Variants in PPARGC1A observed in about 807,000 individuals in gnomAD.
PPARGC1A encodes the protein peroxisome proliferator-activated receptor gamma coactivator 1-alpha.
A neutral mutation model predicts 88.7 loss-of-function variants in PPARGC1A; 25 were observed. The ratio of observed to expected loss-of-function variants is 0.28; its 90% CI spans 0.21 to 0.39. PPARGC1A has a LOEUF of 0.39. PPARGC1A is among the 10% of genes least tolerant of loss of function. The probability of loss-of-function intolerance (pLI) is 1.00; values close to 1 mark genes in which losing one functional copy is unlikely to be tolerated. For synonymous variants in PPARGC1A, 363 were observed against 355.6 expected (o/e 1.02, Z -0.24); for missense variants, 880 against 968.7 (o/e 0.91, Z 1.22).
the PPARGC1A span, among the ~76,000 whole-genome samples, chr4:24,442,461 A>G: frequency 2.0e-5 from 3 of 152,222 alleles, no homozygotes; most frequent in Non-Finnish European, 4.4e-5. Context: ...TGAAGTTCAA[A>G]AAGGTCTCAT....
chr4:24,089,465 C>G, the PPARGC1A span, among the ~76,000 whole-genome samples: 1 of 150,588 alleles, frequency 6.6e-6, no homozygotes, highest in Non-Finnish European at 1.5e-5. Context: ...AAATCAGAGA[C>G]TAGACTAGGA....
Position 23,824,322 on chromosome 4 carries a change from T to A in PPARGC1A, c.835A>T (p.Thr279Ser). The stretch of plus-strand genomic sequence containing the variant: ...TCCACACTTAAGGTGCGTTCAATAG[T>A]CTTGTTCTCAAATGGGGAACCCTTG... Reference protein sequence around the residue: ...DPKGSPFENKTIERTLSVELS... With the variant: ...DPKGSPFENKSIERTLSVELS... The change falls in exon 7 of 13, where the codon ACT becomes TCT. Residue 279 changes from threonine to serine, a missense_variant. Thr to Ser is a moderately conservative substitution (Grantham distance 58). Transcript: ENST00000264867. The A allele has an allele frequency of 6.2e-7, 1 of 1,613,566 alleles. No homozygotes were observed. The highest frequency in any genetic ancestry group is 8.5e-7 in the Non-Finnish European group (1 of 1,179,700).
chr4:23,802,445 C>T (rs1281764011), intron 10 of PPARGC1A, 100 bp from the exon 11 acceptor site: 44 of 1,425,872 alleles, frequency 3.1e-5, no homozygotes, highest in Admixed American at 9.6e-5. Flanking sequence ...TTTGGGAGGC[C>T]GAGGCAGGTG....
At chr4:24,050,323 G>A in the PPARGC1A span, among the ~76,000 whole-genome samples, 1 of 150,506 alleles carries the variant, frequency 6.6e-6, no homozygotes, top group Non-Finnish European at 1.5e-5. Context: ...AGCCTCCCAA[G>A]TAGCTGGAAT....
At chr4:24,333,937 C>CAAAA in the PPARGC1A span, among the ~76,000 whole-genome samples, 11 of 10,370 alleles carry the variant, frequency 1.1e-3, no homozygotes, top group Non-Finnish European at 2.9e-3. Context: ...CCAACAACAA[C>CAAAA]AACAAAAAAA....
the PPARGC1A span, among the ~76,000 whole-genome samples, chr4:24,146,244 G>A: frequency 6.6e-6 from 1 of 152,198 alleles, no homozygotes; most frequent in Non-Finnish European, 1.5e-5. Context: ...TGTTGAATTG[G>A]AGAGCTGTAG....
chr4:24,300,320 T>C, the PPARGC1A span, among the ~76,000 whole-genome samples: 3 of 123,126 alleles, frequency 2.4e-5, no homozygotes, highest in Non-Finnish European at 1.7e-5. Flanking sequence ...TTCTATACAA[T>C]AGCATTTTTT....
At chr4:24,201,490 C>A in the PPARGC1A span, among the ~76,000 whole-genome samples, 2 of 152,320 alleles carry the variant, frequency 1.3e-5, no homozygotes, top group East Asian at 1.9e-4. Context: ...AGGCCCAGGC[C>A]TGAGAAGAAG....
chr4:24,285,055 A>T, the PPARGC1A span, among the ~76,000 whole-genome samples: 1 of 136,340 alleles, frequency 7.3e-6, no homozygotes, highest in Non-Finnish European at 1.5e-5. Flanking sequence ...AGAAGAAGTT[A>T]AAAAAAATCA....
chr4:23,974,730 T>C, the PPARGC1A span, among the ~76,000 whole-genome samples: 1 of 149,940 alleles, frequency 6.7e-6, no homozygotes, highest in East Asian at 2.0e-4. Flanking sequence ...CCCCCCGGGT[T>C]CACGCCATTC....
chr4:23,955,027 C>A, the PPARGC1A span, among the ~76,000 whole-genome samples: 2 of 151,990 alleles, frequency 1.3e-5, no homozygotes, highest in Non-Finnish European at 2.9e-5. Context: ...AAGCCAATAA[C>A]ATTCAATTTT....
At chr4:23,983,931 T>C in the PPARGC1A span, among the ~76,000 whole-genome samples, 3 of 152,234 alleles carry the variant, frequency 2.0e-5, no homozygotes, top group African/African-American at 7.2e-5. Context: ...CTGTTCTACA[T>C]GGCTAACACA....
intron 2 of PPARGC1A, among the ~76,000 whole-genome samples, chr4:23,851,077 GT>G (rs1389336788): frequency 6.6e-6 from 1 of 152,156 alleles, no homozygotes; most frequent in Non-Finnish European, 1.5e-5. Context: ...TGACAATTAA[GT>G]TGCTAATAAA....
the PPARGC1A span, among the ~76,000 whole-genome samples, chr4:24,261,577 G>T: frequency 6.6e-6 from 1 of 152,146 alleles, no homozygotes; most frequent in East Asian, 1.9e-4. Flanking sequence ...GCTTTATTCT[G>T]TGTGGTCCAA....
the PPARGC1A span, among the ~76,000 whole-genome samples, chr4:24,471,094 G>A: frequency 6.6e-6 from 1 of 151,496 alleles, no homozygotes; most frequent in Admixed American, 6.6e-5. The surrounding 1 kb of genome is among the most constrained non-coding windows in gnomAD (Gnocchi z 5.4). Flanking sequence ...GGGCTCCGGA[G>A]GAGAGGCGCC....
At chr4:23,798,041 A>ACTGGCTCATCCTGGCTCAAAAGCTCCCCC (rs1717950830) in intron 12 of PPARGC1A, among the ~76,000 whole-genome samples, 1 of 151,676 alleles carries the variant, frequency 6.6e-6, no homozygotes, top group Non-Finnish European at 1.5e-5. Context: ...AAAGCTCCCC[A>ACTGGCTCATCCTGGCTCAAAAGCTCCCCC]ACTGGGTACC....
chr4:24,185,669 A>G, the PPARGC1A span, among the ~76,000 whole-genome samples: 1,955 of 152,236 alleles, frequency 0.013, 54 homozygotes, highest in East Asian at 0.097. Context: ...TTTTAAGTTG[A>G]TAATATTACT....
the PPARGC1A span, among the ~76,000 whole-genome samples, chr4:24,327,003 G>C: frequency 6.6e-6 from 1 of 152,098 alleles, no homozygotes; most frequent in Non-Finnish European, 1.5e-5. Context: ...ACCTTTATTA[G>C]TCAAATCAGC....
At chr4:24,071,866 T>G in the PPARGC1A span, among the ~76,000 whole-genome samples, 1 of 152,176 alleles carries the variant, frequency 6.6e-6, no homozygotes, top group Non-Finnish European at 1.5e-5. Context: ...ATGAGAAGTG[T>G]TCCCATTCTC....
Sources: gnomAD v4.1 joint callset for allele counts (sites outside exome capture counted in the v4.1 genomes callset) on GRCh38, gnomAD v4.1.1 for gene constraint, Gnocchi (gnomAD v3.1) non-coding constraint, MANE v1.5 for transcripts, NCBI Gene and HGNC (gene_info 2026-07-23, HGNC 2026-07-21) for gene names.